Variants in ZFP41 observed in about 807,000 individuals in gnomAD.
ZFP41 encodes ZFP41 zinc finger protein, also known as zinc finger protein 41 homolog.
In ZFP41, 10 loss-of-function variants were observed where a neutral mutation model predicts 11.6. The observed-to-expected ratio is 0.86, with a 90% CI of 0.53 to 1.47. The LOEUF is 1.47. ZFP41 is among the 40% of genes most tolerant of loss of function. The probability of loss-of-function intolerance (pLI) is 0.00; values close to 1 mark genes in which losing one functional copy is unlikely to be tolerated. For synonymous variants in ZFP41, 123 were observed against 100.9 expected (o/e 1.22, Z -1.31); for missense variants, 302 against 264.6 (o/e 1.14, Z -0.98).
chr8:143,254,269 C>G (rs529467654), intron 2 of ZFP41, among the ~76,000 whole-genome samples: 11 of 152,384 alleles, frequency 7.2e-5, no homozygotes, highest in Non-Finnish European at 1.3e-4. Flanking sequence ...CAAAAACTTA[C>G]CCAGCCTCGG....
rs1815064833 is a variant in ZFP41 at position 143,262,215 on chromosome 8, A to C, written c.*3341A>C. On this transcript the variant is annotated 3_prime_UTR_variant, in exon 3 of 3. Transcript: ENST00000330701. ...GTGCTCCCGTGGCCACCGCTCAGCC[A>C]AATGGATTCAGCGAGGGTTTTTAGT... 6.1e-6 allele frequency: 1 copy of C among 163,518 alleles called. No individual in the cohort carries two copies. The highest frequency in any genetic ancestry group is 1.3e-5 in the Non-Finnish European group (1 of 75,550). The allele number at this position is 163,518 out of a possible 1,614,324, so 10.1% of individuals were successfully genotyped here.
At chr8:143,248,478 G>A (rs1816734159) in intron 1 of ZFP41, 3 of 152,526 alleles carry the variant, frequency 2.0e-5, no homozygotes, top group Admixed American at 1.3e-4. Flanking sequence ...CCCCGCCGTG[G>A]AGTGGAGTCT....
chr8:143,253,952 A>G lies in ZFP41; in HGVS notation c.*900+2612A>G, dbSNP rs183673019. 2.0e-5 allele frequency among the ~76,000 whole-genome samples: 3 copies of G among 152,156 alleles called. No individual in the cohort carries two copies. The East Asian group carries it at 5.8e-4, about 29-fold the overall frequency. Reference sequence around the variant, plus strand: ...TCAGATCATCAGGCATTTGATTCTCATAAGGAGCGTGCAACCTAGATCCCT... The same window carrying G: ...TCAGATCATCAGGCATTTGATTCTCGTAAGGAGCGTGCAACCTAGATCCCT... On this transcript the variant is annotated intron_variant, in intron 2 of 2. Coordinates refer to ENST00000330701, the MANE Select transcript of ZFP41 (RefSeq NM_173832.6).
At chr8:143,247,598 C>T (rs1816717434) in intron 1 of ZFP41, 1 of 152,290 alleles carries the variant, frequency 6.6e-6, no homozygotes, top group Non-Finnish European at 1.5e-5. Context: ...CCCAGAGCTT[C>T]ATATTACAAG....
intron 2 of ZFP41, among the ~76,000 whole-genome samples, chr8:143,252,016 G>T (rs1814775766): frequency 6.6e-6 from 1 of 152,168 alleles, no homozygotes; most frequent in South Asian, 2.1e-4. Context: ...GTAGTATCGT[G>T]GGGAGGCTGC....
At position 143,256,965 on chromosome 8, in the gene ZFP41, G is replaced by A. The variant is rs185678631; in HGVS notation, c.*901-2810G>A. ...GGCCGTCTAGGCTGACCTCTGCTTCGGTGTCTTGTTTAAAAGAAGCTCTTA... is the reference window on the plus strand; with the variant it reads ...GGCCGTCTAGGCTGACCTCTGCTTCAGTGTCTTGTTTAAAAGAAGCTCTTA... On this transcript the variant is annotated intron_variant, in intron 2 of 2. Transcript: ENST00000330701. 1.6e-3 allele frequency among the ~76,000 whole-genome samples: 245 copies of A among 152,294 alleles called. 1 individual carries two copies. Among genetic ancestry groups the A allele is most frequent in the African/African-American group, 5.1e-3 (213 of 41,546 alleles).
rs1310893579 is a variant in ZFP41, at chr8:143,249,990, GC to G, written c.150del (p.Cys51AlafsTer2). On this transcript the variant is annotated frameshift_variant, in exon 2 of 3. Transcript: ENST00000330701. LOFTEE classifies it high-confidence loss of function. Reference protein sequence around the residue: ...PTVPRKPRTEPCLSPEDEEHV... With the variant: ...PTVPRKPRTEXCLSPEDEEHV... ...CTGTGCCCAGGAAGCCCCGCACAGAGCCCTGCCTGAGTCCTGAAGACGAAGA... is the reference window on the plus strand; with the variant it reads ...CTGTGCCCAGGAAGCCCCGCACAGAGCCTGCCTGAGTCCTGAAGACGAAGA... The G allele has an allele frequency of 1.2e-6, 2 of 1,614,018 alleles. No homozygotes were observed. Among genetic ancestry groups the G allele is most frequent in the Admixed American group, 1.7e-5 (1 of 59,996 alleles).
At chr8:143,247,645 G>C (rs1048058483) in intron 1 of ZFP41, 11 of 152,264 alleles carry the variant, frequency 7.2e-5, no homozygotes, top group African/African-American at 2.2e-4. Flanking sequence ...ACGGAGCTAC[G>C]CTGGAGTTGC....
rs997194304 is a variant in ZFP41 at position 143,249,883 on chromosome 8, C to T, written c.40C>T (p.Pro14Ser). ...AGGCAGAAAAAAGAAGACGCCGACC[C>T]CAAGGGAGGAGGCAGACGTGCAGAA... ...PAGRKKKTPTPREEADVQKSA... is the reference protein window; with the variant it reads ...PAGRKKKTPTSREEADVQKSA... Residue 14 changes from proline (P) to serine (S), a missense_variant, in exon 2 of 3, where the codon CCA (proline) becomes TCA (serine). Coordinates refer to ENST00000330701, the MANE Select transcript of ZFP41 (RefSeq NM_173832.6). 6.2e-7 allele frequency: 1 copy of T among 1,609,226 alleles called. No homozygotes were observed.
intron 1 of ZFP41, 175 bp downstream of exon 1, chr8:143,247,317 G>T (rs1009265860): frequency 2.6e-5 from 4 of 152,304 alleles, no homozygotes; most frequent in African/African-American, 9.6e-5. Context: ...GCGGGGCTCT[G>T]CCGTTGAAAG....
chr8:143,252,727 G>GC (rs1229485255), intron 2 of ZFP41: 1 of 764,708 alleles, frequency 1.3e-6, no homozygotes, highest in Non-Finnish European at 1.6e-6. Context: ...TGCTGGGGAG[G>GC]CCAGTCTTCC....
In ZFP41 at chr8:143,250,567, A is replaced by C; in HGVS notation, c.*127A>C. 6.8e-7 allele frequency: 1 copy of C among 1,463,642 alleles called. No individual in the cohort carries two copies. The highest frequency in any genetic ancestry group is 2.6e-4 in the Middle Eastern group (1 of 3,890). The allele number at this position is 1,463,642 out of a possible 1,614,324, so 90.7% of individuals were successfully genotyped here. A position where few individuals can be genotyped will look rare whatever the true frequency, so the allele number is the denominator to read the frequency against. On this transcript the variant is annotated 3_prime_UTR_variant, in exon 2 of 3. Transcript: ENST00000330701. ...GCGCACTGTGTTCCGTGCCCTGGGGACCCCCGGAAAAGCAGCCCAGTCAGA... is the reference window on the plus strand; with the variant it reads ...GCGCACTGTGTTCCGTGCCCTGGGGCCCCCCGGAAAAGCAGCCCAGTCAGA...
Position 143,250,011 on chromosome 8 carries a change from C to T in ZFP41, c.168C>T (p.Asp56=), listed in dbSNP as rs79119638. ...PRTEPCLSPE[D]EEHVFDAFDA... ...CAGAGCCCTGCCTGAGTCCTGAAGA[C>T]GAAGAGCACGTCTTTGATGCCTTCG... Residue 56 remains aspartate, a synonymous_variant, in exon 2 of 3, where the codon GAC becomes GAT. Coordinates refer to ENST00000330701, the MANE Select transcript of ZFP41 (RefSeq NM_173832.6). 5,739 of 1,614,136 alleles carry T rather than the reference C, an allele frequency of 3.6e-3. 160 individuals are homozygous for T. In the African/African-American group the frequency reaches 0.067, roughly 19 times the overall value.
At position 143,250,637 on chromosome 8, in the gene ZFP41, G is replaced by A. The variant is rs1302133899; in HGVS notation, c.*197G>A. On this transcript the variant is annotated 3_prime_UTR_variant, in exon 2 of 3. Coordinates refer to ENST00000330701, the MANE Select transcript of ZFP41 (RefSeq NM_173832.6). The stretch of plus-strand genomic sequence containing the variant: ...GGGAGAGACCTTTCCACTGCAGAGA[G>A]TCTCTCTGATCAAGACACCGCAGTG... The A allele has an allele frequency of 3.6e-6, 3 of 843,924 alleles. No homozygotes were observed. The highest frequency in any genetic ancestry group is 3.5e-5 in the African/African-American group (2 of 57,956). The allele number at this position is 843,924 out of a possible 1,614,324, so 52.3% of individuals were successfully genotyped here.
intron 2 of ZFP41, among the ~76,000 whole-genome samples, chr8:143,254,018 C>T (rs758522997): frequency 2.6e-5 from 4 of 152,214 alleles, no homozygotes; most frequent in Non-Finnish European, 5.9e-5. Context: ...CAGTGAGAAT[C>T]TAATGCCACC....
At chr8:143,248,916 G>A (rs1488668357) in intron 1 of ZFP41, among the ~76,000 whole-genome samples, 1 of 152,230 alleles carries the variant, frequency 6.6e-6, no homozygotes, top group Admixed American at 6.5e-5. Context: ...AATCTGTAGT[G>A]AGTTTATGTG....
chr8:143,247,844 G>C (rs115609061), intron 1 of ZFP41: 1 of 152,144 alleles, frequency 6.6e-6, no homozygotes, highest in East Asian at 1.9e-4. Flanking sequence ...TGTTTGAGAC[G>C]GAGTCTTGTT....
rs1014757602 is a variant in ZFP41, at chr8:143,261,694, G to C, written c.*2820G>C. The C allele has an allele frequency of 6.0e-6, 1 of 165,474 alleles. No individual in the cohort carries two copies. Among genetic ancestry groups the C allele is most frequent in the East Asian group, 1.9e-4 (1 of 5,224 alleles). 10.3% of individuals were successfully genotyped at this position (165,474 alleles called of 1,614,324 possible). A position where few individuals can be genotyped will look rare whatever the true frequency, so the allele number is the denominator to read the frequency against. On this transcript the variant is annotated 3_prime_UTR_variant, in exon 3 of 3. Coordinates refer to ENST00000330701, the MANE Select transcript of ZFP41 (RefSeq NM_173832.6). ...TGTCTCGCAGTCACCCCTGCAGGCCGCTCAGGGCAGGGCTCTGGCCTGACG... is the reference window on the plus strand; with the variant it reads ...TGTCTCGCAGTCACCCCTGCAGGCCCCTCAGGGCAGGGCTCTGGCCTGACG...
At chr8:143,252,081 T>TCTCC (rs1280415993) in intron 2 of ZFP41, among the ~76,000 whole-genome samples, 1 of 152,100 alleles carries the variant, frequency 6.6e-6, no homozygotes, top group Non-Finnish European at 1.5e-5. Flanking sequence ...GACAGATGTG[T>TCTCC]CTCCTCACTT....
Sources: gnomAD v4.1 joint callset for allele counts (sites outside exome capture counted in the v4.1 genomes callset) on GRCh38, gnomAD v4.1.1 for gene constraint, MANE v1.5 for transcripts, NCBI Gene and HGNC (gene_info 2026-07-23, HGNC 2026-07-21) for gene names.